Variants in TSHZ2 observed in about 807,000 individuals in gnomAD.
TSHZ2 encodes teashirt zinc finger homeobox 2.
In TSHZ2, 21 loss-of-function variants were observed where a neutral mutation model predicts 74.4. The observed-to-expected ratio is 0.28, with a 90% CI of 0.20 to 0.41. The LOEUF is 0.41. Among genes scored for constraint, TSHZ2 ranks in the 10% least tolerant of loss-of-function variants. The pLI is 1.00. For synonymous variants in TSHZ2, 540 were observed against 515.3 expected (o/e 1.05, Z -0.65); for missense variants, 1,244 against 1,293.5 (o/e 0.96, Z 0.59).
At chr20:53,240,077 A>G (rs1227788393) in intron 1 of TSHZ2, among the ~76,000 whole-genome samples, 1 of 152,194 alleles carries the variant, frequency 6.6e-6, no homozygotes, top group Non-Finnish European at 1.5e-5. Flanking sequence ...GTGATGTCAT[A>G]TATGTTGGCT....
intron 2 of TSHZ2, among the ~76,000 whole-genome samples, chr20:53,430,135 C>T (rs1028662314): frequency 1.3e-5 from 2 of 152,130 alleles, no homozygotes; most frequent in African/African-American, 2.4e-5. Flanking sequence ...GACAGAGTCT[C>T]ACTCTGTCAC....
intron 2 of TSHZ2, among the ~76,000 whole-genome samples, chr20:53,293,882 G>T (rs1320174776): frequency 6.6e-6 from 1 of 151,910 alleles, no homozygotes; most frequent in African/African-American, 2.4e-5. Flanking sequence ...TGGGCGCAGT[G>T]GTGCATGTCT....
intron 1 of TSHZ2, among the ~76,000 whole-genome samples, chr20:53,008,237 A>T (rs1568716954): frequency 6.6e-6 from 1 of 152,350 alleles, no homozygotes; most frequent in East Asian, 1.9e-4. Context: ...GGAGAGAAGT[A>T]GGTAAAGGCA....
At chr20:53,172,233 G>C (rs367912972) in intron 1 of TSHZ2, among the ~76,000 whole-genome samples, 171 of 152,298 alleles carry the variant, frequency 1.1e-3, no homozygotes, top group African/African-American at 3.8e-3. Flanking sequence ...GGCAGAATTT[G>C]TGTTTTTCCC....
At chr20:53,129,886 G>A (rs1987055338) in intron 1 of TSHZ2, among the ~76,000 whole-genome samples, 1 of 151,580 alleles carries the variant, frequency 6.6e-6, no homozygotes, top group Admixed American at 6.6e-5. Flanking sequence ...GATTCACCAG[G>A]TCCTGCTTAA....
chr20:53,365,645 T>G (rs955565632), intron 2 of TSHZ2, among the ~76,000 whole-genome samples: 10 of 152,192 alleles, frequency 6.6e-5, no homozygotes, highest in South Asian at 2.1e-4. Flanking sequence ...CAGTGGTCAT[T>G]GAAGTGAATG....
chr20:53,023,622 TTTTTTTTTG>T, intron 1 of TSHZ2, among the ~76,000 whole-genome samples: 1 of 44,484 alleles, frequency 2.2e-5, no homozygotes, highest in African/African-American at 1.8e-4. Context: ...GTTTTTTGTT[TTTTTTTTTG>T]CTTTTTGTTT....
chr20:53,105,498 A>G (rs907008081), intron 1 of TSHZ2, among the ~76,000 whole-genome samples: 24 of 152,196 alleles, frequency 1.6e-4, no homozygotes, highest in Admixed American at 4.6e-4. Context: ...GACTTTAAAG[A>G]TAACTTGGCG....
chr20:53,083,197 C>T (rs1985588920), intron 1 of TSHZ2, among the ~76,000 whole-genome samples: 1 of 152,168 alleles, frequency 6.6e-6, no homozygotes, highest in African/African-American at 2.4e-5. Flanking sequence ...TGTGCATTTA[C>T]AGTTAGGCAT....
chr20:53,153,176 G>T (rs1026477395), intron 1 of TSHZ2, among the ~76,000 whole-genome samples: 14 of 152,206 alleles, frequency 9.2e-5, no homozygotes, highest in African/African-American at 3.4e-4. Flanking sequence ...AGAGAGAAAA[G>T]AATATCTGCT....
chr20:53,263,446 G>A (rs1409220247), intron 2 of TSHZ2, among the ~76,000 whole-genome samples: 1 of 152,232 alleles, frequency 6.6e-6, no homozygotes, highest in East Asian at 1.9e-4. Context: ...CATGCCGGCA[G>A]GGGCCGTCAC....
intron 2 of TSHZ2, among the ~76,000 whole-genome samples, chr20:53,482,584 T>C (rs1986183502): frequency 6.6e-6 from 1 of 152,166 alleles, no homozygotes; most frequent in South Asian, 2.1e-4. Flanking sequence ...ACCATAACTA[T>C]ATACACCTAC....
At chr20:53,090,489 T>G (rs1258990896) in intron 1 of TSHZ2, among the ~76,000 whole-genome samples, 9 of 152,168 alleles carry the variant, frequency 5.9e-5, no homozygotes. Flanking sequence ...TTGAAAGCCA[T>G]GAGACAGAGT....
chr20:53,021,599 T>G (rs1300464486), intron 1 of TSHZ2, among the ~76,000 whole-genome samples: 1 of 152,236 alleles, frequency 6.6e-6, no homozygotes, highest in Non-Finnish European at 1.5e-5. Flanking sequence ...ACGATAAATA[T>G]GCATCTCTGT....
At position 53,349,402 on chromosome 20, in the gene TSHZ2, A is replaced by G. The variant is rs114666505; in HGVS notation, c.*8+92831A>G. 5.0e-3 allele frequency among the ~76,000 whole-genome samples: 758 copies of G among 152,352 alleles called. 6 individuals carry two copies. Among genetic ancestry groups the G allele is most frequent in the African/African-American group, 0.017 (721 of 41,584 alleles). ...TGAGGTGGCCCATGCCTATAATCCTAGCACTTTAAGAGGCTGAGGAAGGCA... is the reference window on the plus strand; with the variant it reads ...TGAGGTGGCCCATGCCTATAATCCTGGCACTTTAAGAGGCTGAGGAAGGCA... On this transcript the variant is annotated intron_variant, in intron 2 of 2. Coordinates refer to ENST00000371497, the MANE Select transcript of TSHZ2 (RefSeq NM_173485.6).
chr20:53,026,964 A>C (rs1211619951), intron 1 of TSHZ2, among the ~76,000 whole-genome samples: 4 of 151,992 alleles, frequency 2.6e-5, no homozygotes, highest in African/African-American at 7.2e-5. Context: ...TATGTTTATA[A>C]AGACAGCGAG....
At chr20:53,213,283 A>C (rs1001301187) in intron 1 of TSHZ2, among the ~76,000 whole-genome samples, 2 of 152,192 alleles carry the variant, frequency 1.3e-5, no homozygotes, top group Admixed American at 6.5e-5. Flanking sequence ...TGAAAATTTC[A>C]TGCAAAATTG....
At chr20:53,469,770 AAGGGAGGG>A (rs137860267) in intron 2 of TSHZ2, among the ~76,000 whole-genome samples, 1 of 52,164 alleles carries the variant, frequency 1.9e-5, no homozygotes, top group African/African-American at 7.3e-5. Context: ...GAGAGGGAGG[AAGGGAGGG>A]AGGGAGGGAG....
intron 2 of TSHZ2, 91 bp from the exon 3 acceptor site, chr20:53,487,053 G>A (rs1986307051): frequency 6.6e-6 from 1 of 152,524 alleles, no homozygotes; most frequent in South Asian, 2.1e-4. Context: ...AAGTAGTGGA[G>A]GTGGGCAAGG....
Sources: gnomAD v4.1 joint callset for allele counts (sites outside exome capture counted in the v4.1 genomes callset) on GRCh38, gnomAD v4.1.1 for gene constraint, MANE v1.5 for transcripts, NCBI Gene and HGNC (gene_info 2026-07-23, HGNC 2026-07-21) for gene names.